AGRN: variants seen among roughly 807,000 people sequenced by gnomAD.
AGRN encodes the protein agrin proteoglycan.
Under a neutral mutation model 211.0 loss-of-function variants are expected in AGRN, and 106 were observed. That is an observed-to-expected ratio of 0.50 (90% CI 0.43 to 0.59). The LOEUF is 0.59. Among genes scored for constraint, AGRN ranks in the 20% least tolerant of loss-of-function variants. The pLI is 0.00. For synonymous variants in AGRN, 1,525 were observed against 1,332.5 expected (o/e 1.14, Z -3.15); for missense variants, 3,040 against 2,982.6 (o/e 1.02, Z -0.45).
Position 1,047,884 on chromosome 1 carries a change from T to G in AGRN, c.3740T>G (p.Phe1247Cys). ...CGGCCGCTGCAGGAGCACGTGCGAT[T>G]TATGGACTTTGGTGAGCGCCAGGCC... ...VRRPLQEHVR[F>C]MDFDWFPAFI... is the part of the protein sequence containing the mutation. Residue 1247 changes from phenylalanine to cysteine, a missense_variant, in exon 22 of 36, where the codon TTT becomes TGT. Physicochemically the swap from Phe to Cys is radical, Grantham distance 205 (BLOSUM62 -2). Around this residue, in one of 3 missense-constraint regions of AGRN, gnomAD observed 1,537 missense variants for 1,505.0 expected, o/e 1.02. Transcript: ENST00000379370. 1 of 1,605,754 alleles carries G rather than the reference T, an allele frequency of 6.2e-7. No homozygotes were observed. The highest frequency in any genetic ancestry group is 2.2e-5 in the East Asian group (1 of 44,460).
intron 2 of AGRN, 30 bp downstream of exon 2, chr1:1,022,492 T>A (rs1392633826): frequency 6.3e-7 from 1 of 1,579,262 alleles, no homozygotes; most frequent in Non-Finnish European, 8.6e-7. Context: ...TGTGGGGGCC[T>A]GTGGGGGTCA....
intron 2 of AGRN, chr1:1,034,269 C>T: frequency 7.1e-6 from 7 of 985,474 alleles, no homozygotes; most frequent in Non-Finnish European, 8.4e-6. Context: ...AGGCTGTGGG[C>T]AGCAGGGGTG....
chr1:1,043,403 G>T lies in AGRN; in HGVS notation c.1549G>T (p.Ala517Ser), dbSNP rs1430488333. 6.2e-7 allele frequency: 1 copy of T among 1,608,676 alleles called. No homozygotes were observed. Residue 517 changes from alanine (A) to serine (S), a missense_variant, in exon 8 of 36, where the codon GCC becomes TCC. By Grantham distance (99) the Ala-to-Ser change is moderately conservative. Around this residue, in one of 3 missense-constraint regions of AGRN, gnomAD observed 1,498 missense variants for 1,457.8 expected, o/e 1.03. Transcript: ENST00000379370. ...VTYGSACELE[A>S]TACTLGREIQ... ...ATACGGCAGCGCGTGCGAGCTGGAG[G>T]CCACGGCCTGTACCCTCGGGCGGGA... is the stretch of plus-strand genomic sequence containing the variant.
chr1:1,053,687 C>T, intron 33 of AGRN, 66 bp from the exon 34 acceptor site: 1 of 1,441,562 alleles, frequency 6.9e-7, no homozygotes, highest in Non-Finnish European at 9.5e-7. Flanking sequence ...CCCTTGTCCT[C>T]CCGCCTCCCC....
At chr1:1,053,181 G>A in intron 33 of AGRN, 1 of 304,874 alleles carries the variant, frequency 3.3e-6, no homozygotes, top group South Asian at 2.7e-5. Flanking sequence ...CTCCCCTGCT[G>A]TCTGCACGTG....
chr1:1,039,411 T>G (rs1395360842), intron 3 of AGRN, among the ~76,000 whole-genome samples: 48 of 148,502 alleles, frequency 3.2e-4, no homozygotes, highest in South Asian at 4.3e-4. Flanking sequence ...TCCTTGGAGA[T>G]GGGGGGGGTT....
chr1:1,052,311 G>A (rs1645319465), intron 33 of AGRN: 6 of 352,156 alleles, frequency 1.7e-5, no homozygotes, highest in Non-Finnish European at 2.8e-5. Flanking sequence ...TGAACATGCA[G>A]CTGTGTCTGT....
chr1:1,034,914 C>T, intron 2 of AGRN: 1 of 391,986 alleles, frequency 2.6e-6, no homozygotes, highest in South Asian at 3.7e-5. Context: ...ACACTTTCTG[C>T]GGGAGCTGGG....
At position 1,035,271 on chromosome 1, in the gene AGRN, T is replaced by C; in HGVS notation, c.464-6T>C. 1 of 1,613,022 alleles carries C rather than the reference T, an allele frequency of 6.2e-7. No individual in the cohort carries two copies. Among genetic ancestry groups the C allele is most frequent in the Non-Finnish European group, 8.5e-7 (1 of 1,179,958 alleles). On this transcript the variant is annotated splice_polypyrimidine_tract_variant and splice_region_variant and intron_variant, in intron 2 of 35. Coordinates refer to ENST00000379370, the MANE Select transcript of AGRN (RefSeq NM_198576.4). The stretch of plus-strand genomic sequence containing the variant: ...GAGCCTAACTTGGGGATTTGTTTTC[T>C]TCCAGATAAACCCGGGACCCACTTC...
At chr1:1,038,387 C>T (rs28736676) in intron 3 of AGRN, among the ~76,000 whole-genome samples, 1 of 152,228 alleles carries the variant, frequency 6.6e-6, no homozygotes, top group Admixed American at 6.5e-5. Flanking sequence ...GAGCCTGTCC[C>T]TAAGGTACCT....
At chr1:1,053,563 C>G in intron 33 of AGRN, 190 bp from the exon 34 acceptor site, 1 of 1,519,772 alleles carries the variant, frequency 6.6e-7, no homozygotes, top group Non-Finnish European at 8.8e-7. Context: ...TCTCTCTGAT[C>G]TCTCTCTGCC....
intron 19 of AGRN, 178 bp downstream of exon 19, chr1:1,047,135 T>G (rs919145087): frequency 7.4e-7 from 1 of 1,350,636 alleles, no homozygotes; most frequent in Non-Finnish European, 1.0e-6. Context: ...CAAGCCGGTG[T>G]GGCACACTGC....
rs200641070 is a variant in AGRN at position 1,044,305 on chromosome 1, C to T, written c.2149-29C>T. 1.9e-5 allele frequency: 30 copies of T among 1,612,364 alleles called. No homozygotes were observed. In the East Asian group the frequency reaches 3.3e-4, roughly 18 times the overall value. On this transcript the variant is annotated intron_variant, in intron 11 of 35. Transcript: ENST00000379370. ...TCGGCGGGCGGCGGGGACGGGGCTG[C>T]GGCCGCTCACACTGACACCACCCTC...
Position 1,050,288 on chromosome 1 carries a change from C to T in AGRN, c.4935C>T (p.His1645=). 6.2e-7 allele frequency: 1 copy of T among 1,613,052 alleles called. No homozygotes were observed. Among genetic ancestry groups the T allele is most frequent in the South Asian group, 1.1e-5 (1 of 91,080 alleles). ...PFLADFNGFS[H]LELRGLHTFA... Reference sequence around the variant, plus strand: ...TGGCTGACTTCAACGGCTTCTCCCACCTGGAGCTGAGAGGCCTGCACACCT... The same window carrying T: ...TGGCTGACTTCAACGGCTTCTCCCATCTGGAGCTGAGAGGCCTGCACACCT... Residue 1645 remains histidine (H), a synonymous_variant, in exon 28 of 36, where the codon CAC becomes CAT. Transcript: ENST00000379370.
Position 1,044,177 on chromosome 1 carries a change from C to T in AGRN, c.2068C>T (p.Arg690Cys), listed in dbSNP as rs1645026919. 6.2e-7 allele frequency: 1 copy of T among 1,613,186 alleles called. No individual in the cohort carries two copies. Among genetic ancestry groups the T allele is most frequent in the Non-Finnish European group, 8.5e-7 (1 of 1,179,924 alleles). Residue 690 changes from arginine to cysteine, a missense_variant, in exon 11 of 36, where the codon CGC (arginine) becomes TGC (cysteine). This residue lies in a region of AGRN where 1,498 missense variants were observed against 1,457.8 expected (regional missense o/e 1.03). Transcript: ENST00000379370. ...GDCEQELCRQ[R>C]GGIWDEDSED... is the part of the protein sequence containing the mutation. ...CTGTGAGCAGGAGCTGTGCCGGCAGCGCGGTGGCATCTGGGACGAGGACTC... is the reference window on the plus strand; with the variant it reads ...CTGTGAGCAGGAGCTGTGCCGGCAGTGCGGTGGCATCTGGGACGAGGACTC...
Position 1,050,762 on chromosome 1 carries a change from G to C in AGRN, c.5178G>C (p.Arg1726Ser), listed in dbSNP as rs894674688. Residue 1726 changes from arginine (R) to serine (S), a missense_variant, in exon 30 of 36, where the codon AGG (arginine) becomes AGC (serine). By Grantham distance (110) the Arg-to-Ser change is moderately radical. Coordinates refer to ENST00000379370, the MANE Select transcript of AGRN (RefSeq NM_198576.4). The stretch of plus-strand genomic sequence containing the variant: ...CAGTCACCCTGGGAGCCTGGACCAG[G>C]GTCTCACTGGAGCGAAACGGCCGCA... ...REPVTLGAWT[R>S]VSLERNGRKG... 2 of 1,603,812 alleles carry C rather than the reference G, an allele frequency of 1.2e-6. No homozygotes were observed. The highest frequency in any genetic ancestry group is 3.4e-5 in the Admixed American group (2 of 59,318).
At chr1:1,025,640 G>T (rs1644504713) in intron 2 of AGRN, among the ~76,000 whole-genome samples, 1 of 148,264 alleles carries the variant, frequency 6.7e-6, no homozygotes, top group Non-Finnish European at 1.5e-5. Flanking sequence ...CCCACCCCAT[G>T]AGCCCCTCTC....
In AGRN at chr1:1,049,018, C is replaced by G; in HGVS notation, c.4257C>G (p.Asp1419Glu). 6.3e-7 allele frequency: 1 copy of G among 1,577,622 alleles called. No homozygotes were observed. The highest frequency in any genetic ancestry group is 8.6e-7 in the Non-Finnish European group (1 of 1,164,482). Residue 1419 changes from aspartate to glutamate, a missense_variant, in exon 24 of 36, where the codon GAC (aspartate) becomes GAG (glutamate). Transcript: ENST00000379370. ...LLYNGNARGKDFLALALLDGR... is the reference protein window; with the variant it reads ...LLYNGNARGKEFLALALLDGR... ...ACAATGGCAACGCCCGGGGCAAGGA[C>G]TTCCTGGCATTGGCGCTGCTAGATG...
In AGRN at chr1:1,020,129, C is replaced by A; in HGVS notation, c.-44C>A. 9.3e-7 allele frequency: 1 copy of A among 1,075,528 alleles called. No individual in the cohort carries two copies. The highest frequency in any genetic ancestry group is 1.2e-6 in the Non-Finnish European group (1 of 830,682). The allele number at this position is 1,075,528 out of a possible 1,614,324, so 66.6% of individuals were successfully genotyped here. The stretch of plus-strand genomic sequence containing the variant: ...GCGTCCCGTCCTGTCCAGTCCCGTC[C>A]CCGGCGCGGCCCGCGCGCTCCTCCG... On this transcript the variant is annotated 5_prime_UTR_variant, in exon 1 of 36. Transcript: ENST00000379370.
Sources: allele counts gnomAD v4.1 joint callset (sites outside exome capture counted in the v4.1 genomes callset), GRCh38; gene constraint gnomAD v4.1.1; regional missense constraint gnomAD v4.1.1; transcripts MANE v1.5; gene names NCBI Gene and HGNC (gene_info 2026-07-23, HGNC 2026-07-21).